Variants in BTBD7 observed in about 807,000 individuals in gnomAD.
BTBD7 encodes the protein BTB domain containing 7, also known as BTB/POZ domain-containing protein 7.
BTBD7 carries 38 observed loss-of-function variants against 99.9 expected under a neutral mutation model. The ratio of observed to expected loss-of-function variants is 0.38; its 90% CI spans 0.29 to 0.50. BTBD7 has a LOEUF of 0.50. Ranked by LOEUF, BTBD7 falls within the 20% of genes least tolerant of loss-of-function variation. The pLI, the probability that BTBD7 is intolerant of heterozygous loss-of-function variation, is 0.93. For synonymous variants in BTBD7, 520 were observed against 511.4 expected (o/e 1.02, Z -0.23); for missense variants, 1,170 against 1,394.6 (o/e 0.84, Z 2.57).
chr14:93,262,901 G>GATTGTTAATGA (rs1289677877), intron 4 of BTBD7, among the ~76,000 whole-genome samples: 6 of 151,484 alleles, frequency 4.0e-5, no homozygotes, highest in Admixed American at 3.9e-4. Context: ...AGGACAATGA[G>GATTGTTAATGA]ACAAGGTTAA....
At chr14:93,288,446 A>G (rs778047963) in intron 3 of BTBD7, 1 of 685,644 alleles carries the variant, frequency 1.5e-6, no homozygotes, top group African/African-American at 1.8e-5. Flanking sequence ...TTACTTTAAT[A>G]GCATCCTGCT....
At chr14:93,288,783 A>C in intron 3 of BTBD7, 1 of 1,574,386 alleles carries the variant, frequency 6.4e-7, no homozygotes, top group Non-Finnish European at 8.6e-7. Flanking sequence ...GGAAACCCAA[A>C]ACATCAGTAT....
intron 5 of BTBD7, among the ~76,000 whole-genome samples, chr14:93,259,183 A>T (rs1223264613): frequency 2.6e-5 from 4 of 152,208 alleles, no homozygotes; most frequent in Non-Finnish European, 4.4e-5. Context: ...ACCTTGTTTT[A>T]TGTGTTTCTG....
intron 8 of BTBD7, 89 bp from the exon 9 acceptor site, chr14:93,248,743 A>C: frequency 3.4e-6 from 4 of 1,182,568 alleles, no homozygotes; most frequent in Non-Finnish European, 4.6e-6. Flanking sequence ...CATGTATTTC[A>C]TACCAGAATC....
chr14:93,274,834 A>AC (rs778615588), intron 3 of BTBD7, among the ~76,000 whole-genome samples: 113 of 152,282 alleles, frequency 7.4e-4, no homozygotes, highest in African/African-American at 2.6e-3. Flanking sequence ...TTTAATTGCC[A>AC]CTCTAGATTT....
chr14:93,298,151 T>A (rs1207567395), intron 1 of BTBD7, among the ~76,000 whole-genome samples: 1 of 152,178 alleles, frequency 6.6e-6, no homozygotes, highest in Non-Finnish European at 1.5e-5. Flanking sequence ...GAGCCTTGCC[T>A]CCGGATGAAG....
intron 3 of BTBD7, among the ~76,000 whole-genome samples, chr14:93,284,909 TAA>T: frequency 6.6e-6 from 1 of 152,112 alleles, no homozygotes; most frequent in South Asian, 2.1e-4. Context: ...AAAAATGACT[TAA>T]GTTTTAAAAC....
chr14:93,325,835 A>T (rs1020033879), intron 1 of BTBD7, among the ~76,000 whole-genome samples: 10 of 152,234 alleles, frequency 6.6e-5, no homozygotes, highest in African/African-American at 2.4e-4. Context: ...GTATTGGATT[A>T]AAGTGTTTCC....
rs202129419 is a variant in BTBD7, at chr14:93,293,941, C to T, written c.1079G>A (p.Gly360Glu). Residue 360 changes from glycine (G) to glutamate (E), a missense_variant, in exon 3 of 11, where the codon GGG (glycine) becomes GAG (glutamate). This residue lies in a region of BTBD7 where 359 missense variants were observed against 497.9 expected (regional missense o/e 0.72). Coordinates refer to ENST00000334746, the MANE Select transcript of BTBD7 (RefSeq NM_001002860.4). ...TTCTGCCCTGGTCATGTTTGGCTTC[C>T]CTGCGACGAGAGCCTGAACTTCACT... ...SLSEVQALVAGKPNMTRAEEA... is the reference protein window; with the variant it reads ...SLSEVQALVAEKPNMTRAEEA... 7.9e-5 allele frequency: 128 copies of T among 1,613,568 alleles called. No individual in the cohort carries two copies. The highest frequency in any genetic ancestry group is 1.0e-4 in the Non-Finnish European group (120 of 1,179,870).
At chr14:93,314,489 A>C (rs1283718799) in intron 1 of BTBD7, among the ~76,000 whole-genome samples, 2 of 152,198 alleles carry the variant, frequency 1.3e-5, no homozygotes, top group Non-Finnish European at 2.9e-5. Flanking sequence ...ATGGCCACAC[A>C]CAAAATTTTA....
At chr14:93,298,904 T>C (rs1175733816) in intron 1 of BTBD7, among the ~76,000 whole-genome samples, 1 of 152,196 alleles carries the variant, frequency 6.6e-6, no homozygotes, top group African/African-American at 2.4e-5. Context: ...GCTGCTACAA[T>C]AAGCAGTAGT....
Position 93,294,674 on chromosome 14 carries a change from G to A in BTBD7, c.346C>T (p.Leu116=). The A allele has an allele frequency of 6.2e-7, 1 of 1,614,126 alleles. No individual in the cohort carries two copies. Among genetic ancestry groups the A allele is most frequent in the Non-Finnish European group, 8.5e-7 (1 of 1,180,038 alleles). ...TCTGGTCTAGCCAAACTGGCTTGTA[G>A]AGAAAGCTCCTTTAATGCTGATGTT... ...EGTSALKELS[L]QASLARPEAR... Residue 116 remains leucine, a synonymous_variant, in exon 3 of 11, where the codon CTA becomes TTA. Transcript: ENST00000334746.
At chr14:93,307,440 G>C (rs896185966) in intron 1 of BTBD7, among the ~76,000 whole-genome samples, 2 of 152,232 alleles carry the variant, frequency 1.3e-5, no homozygotes, top group African/African-American at 4.8e-5. Context: ...ACAGGCACGA[G>C]CCAGCACACC....
intron 3 of BTBD7, among the ~76,000 whole-genome samples, chr14:93,266,571 A>C (rs1316007481): frequency 6.6e-6 from 1 of 151,962 alleles, no homozygotes. Flanking sequence ...TTCAATGATA[A>C]GAAATTTCTA....
chr14:93,265,051 A>C (rs1228936099), intron 3 of BTBD7, among the ~76,000 whole-genome samples: 1 of 152,172 alleles, frequency 6.6e-6, no homozygotes, highest in African/African-American at 2.4e-5. Context: ...ATTATGTCTG[A>C]AATCGTGTCA....
At position 93,309,395 on chromosome 14, in the gene BTBD7, CCT is replaced by C. The variant is rs950108182; in HGVS notation, c.-106-13240_-106-13239del. 6.4e-5 allele frequency among the ~76,000 whole-genome samples: 9 copies of C among 140,894 alleles called. No homozygotes were observed. The East Asian group carries it at 8.0e-4, about 13-fold the overall frequency. 92.4% of individuals were successfully genotyped at this position (140,894 alleles called of 152,430 possible). On this transcript the variant is annotated intron_variant, in intron 1 of 10. Transcript: ENST00000334746. ...TGGCCTAGGCGACAAGGGCAAAACT[CCT>C]CTGTCTCCAAGAAAAAAAAAAAAAA...
At chr14:93,329,513 C>G (rs1317717629) in intron 1 of BTBD7, among the ~76,000 whole-genome samples, 1 of 152,166 alleles carries the variant, frequency 6.6e-6, no homozygotes, top group Non-Finnish European at 1.5e-5. Flanking sequence ...TTCACAGCAG[C>G]TTTATTCACA....
intron 3 of BTBD7, among the ~76,000 whole-genome samples, chr14:93,291,153 C>T (rs2052850212): frequency 6.6e-6 from 1 of 151,744 alleles, no homozygotes; most frequent in South Asian, 2.1e-4. Context: ...ATTTTTTAAA[C>T]TTAAAGTTAT....
intron 1 of BTBD7, among the ~76,000 whole-genome samples, chr14:93,331,879 T>TCACCCCC (rs2053423439): frequency 7.5e-6 from 1 of 133,116 alleles, no homozygotes. Context: ...AGACTCCGTC[T>TCACCCCC]CCCCCCCCCC....
Sources: gnomAD v4.1 joint callset for allele counts (sites outside exome capture counted in the v4.1 genomes callset) on GRCh38, gnomAD v4.1.1 for gene constraint, gnomAD v4.1.1 regional missense constraint, MANE v1.5 for transcripts, NCBI Gene and HGNC (gene_info 2026-07-23, HGNC 2026-07-21) for gene names.